GRID1: variants seen among roughly 807,000 people sequenced by gnomAD.
GRID1 encodes glutamate ionotropic receptor delta type subunit 1.
GRID1 carries 28 observed loss-of-function variants against 98.0 expected under a neutral mutation model. The observed-to-expected ratio is 0.29, with a 90% CI of 0.21 to 0.39. The LOEUF is 0.39. Ranked by LOEUF, GRID1 falls within the 10% of genes least tolerant of loss-of-function variation. The pLI, the probability that GRID1 is intolerant of heterozygous loss-of-function variation, is 1.00. For missense variants in GRID1, 1,111 were observed against 1,340.5 expected (o/e 0.83, Z 2.67); for synonymous variants, 553 against 538.5 (o/e 1.03, Z -0.37).
chr10:86,319,515 G>A (rs965078210), intron 2 of GRID1, among the ~76,000 whole-genome samples: 14 of 152,236 alleles, frequency 9.2e-5, no homozygotes, highest in Non-Finnish European at 1.6e-4. Flanking sequence ...GGGATGAAGG[G>A]GTGGGATCCC....
At chr10:86,338,850 G>A (rs1193788361) in intron 2 of GRID1, among the ~76,000 whole-genome samples, 2 of 152,060 alleles carry the variant, frequency 1.3e-5, no homozygotes, top group South Asian at 2.1e-4. Flanking sequence ...GAGCCACCGC[G>A]CCTGGCTCCC....
At chr10:85,989,843 T>C (rs1842658328) in intron 4 of GRID1, among the ~76,000 whole-genome samples, 2 of 152,156 alleles carry the variant, frequency 1.3e-5, no homozygotes, top group Admixed American at 6.5e-5. Context: ...AAATCCTAAC[T>C]CCCAAGACGA....
intron 2 of GRID1, among the ~76,000 whole-genome samples, chr10:86,348,086 T>C (rs1218592449): frequency 2.0e-5 from 3 of 152,168 alleles, no homozygotes; most frequent in African/African-American, 7.2e-5. Context: ...CAACAGCCGG[T>C]GTGCACTGTG....
intron 4 of GRID1, among the ~76,000 whole-genome samples, chr10:86,109,916 C>G (rs1326756611): frequency 6.6e-6 from 1 of 151,808 alleles, no homozygotes; most frequent in Non-Finnish European, 1.5e-5. Flanking sequence ...GAAAAAAATG[C>G]ATGTCAAGGG....
At chr10:85,729,224 A>G (rs3812649) in intron 9 of GRID1, among the ~76,000 whole-genome samples, 9,110 of 152,136 alleles carry the variant, frequency 0.06, 520 homozygotes, top group African/African-American at 0.15. Context: ...CCAAGAACAA[A>G]TGGAGCAGCT....
chr10:85,732,447 G>A, intron 8 of GRID1, among the ~76,000 whole-genome samples: 1 of 152,168 alleles, frequency 6.6e-6, no homozygotes. Context: ...TGTTTGGAAT[G>A]GAGCTCTGTG....
intron 4 of GRID1, among the ~76,000 whole-genome samples, chr10:86,101,294 T>C (rs1844292096): frequency 6.6e-6 from 1 of 152,216 alleles, no homozygotes; most frequent in Non-Finnish European, 1.5e-5. Flanking sequence ...CAAAGTGTAA[T>C]TTACATAGCA....
chr10:85,704,548 T>C lies in GRID1; in HGVS notation c.1997+18455A>G, dbSNP rs141456162. 2.9e-3 allele frequency among the ~76,000 whole-genome samples: 446 copies of C among 152,250 alleles called. 1 individual carries two copies. Among genetic ancestry groups the C allele is most frequent in the African/African-American group, 9.9e-3 (412 of 41,534 alleles). ...TACTTTAACATCCCACTGTCAACAT[T>C]AGACAGATCAACAAGACAGAAAGTT... On this transcript the variant is annotated intron_variant, in intron 12 of 15. Transcript: ENST00000327946.
intron 3 of GRID1, among the ~76,000 whole-genome samples, chr10:86,187,806 G>A (rs1006138720): frequency 2.0e-5 from 3 of 152,192 alleles, no homozygotes; most frequent in African/African-American, 7.2e-5. Flanking sequence ...AATAATTCAA[G>A]GAGAAGTTCC....
At chr10:85,887,316 GC>G (rs1395141919) in intron 5 of GRID1, among the ~76,000 whole-genome samples, 2 of 152,150 alleles carry the variant, frequency 1.3e-5, no homozygotes, top group African/African-American at 4.8e-5. Context: ...GGAAGAAGGG[GC>G]ATCTTCTGAG....
At chr10:85,737,204 A>T (rs1422254413) in intron 8 of GRID1, among the ~76,000 whole-genome samples, 1 of 152,154 alleles carries the variant, frequency 6.6e-6, no homozygotes, top group Admixed American at 6.6e-5. Flanking sequence ...ATACTTTCTT[A>T]AAAACAAGTC....
At chr10:86,261,638 A>G (rs1847016946) in intron 2 of GRID1, among the ~76,000 whole-genome samples, 1 of 152,212 alleles carries the variant, frequency 6.6e-6, no homozygotes, top group Non-Finnish European at 1.5e-5. Context: ...GGTAAGAAGG[A>G]GCAAGGCCAA....
intron 3 of GRID1, among the ~76,000 whole-genome samples, chr10:86,148,825 C>T (rs1372053150): frequency 1.3e-5 from 2 of 152,114 alleles, no homozygotes; most frequent in Admixed American, 1.3e-4. Context: ...GCCCCACTGC[C>T]CTGCTCCCCC....
chr10:86,083,468 C>A (rs1374897938), intron 4 of GRID1, among the ~76,000 whole-genome samples: 4 of 152,234 alleles, frequency 2.6e-5, no homozygotes, highest in Admixed American at 6.5e-5. Context: ...CAGTGAATTT[C>A]GCTCCTCGCT....
At chr10:85,901,010 T>C (rs868623744) in intron 5 of GRID1, among the ~76,000 whole-genome samples, 2 of 152,116 alleles carry the variant, frequency 1.3e-5, no homozygotes, top group African/African-American at 4.8e-5. Flanking sequence ...TCTTAAAGGA[T>C]GCATGAGACT....
At chr10:86,333,624 C>A (rs1004266113) in intron 2 of GRID1, among the ~76,000 whole-genome samples, 1 of 152,208 alleles carries the variant, frequency 6.6e-6, no homozygotes, top group South Asian at 2.1e-4. Context: ...TACTAATAAC[C>A]CACTGTTGAC....
intron 4 of GRID1, among the ~76,000 whole-genome samples, chr10:85,925,074 C>G (rs541115795): frequency 3.3e-5 from 5 of 152,178 alleles, no homozygotes; most frequent in African/African-American, 1.2e-4. Flanking sequence ...CTCACAGGCA[C>G]GATCTGTTTA....
intron 4 of GRID1, among the ~76,000 whole-genome samples, chr10:86,052,767 T>C (rs1843519843): frequency 6.6e-6 from 1 of 152,182 alleles, no homozygotes; most frequent in Admixed American, 6.5e-5. Flanking sequence ...ATAATTGGGA[T>C]TGTGAAGGAA....
At chr10:85,791,626 G>A (rs1260629895) in intron 8 of GRID1, among the ~76,000 whole-genome samples, 1 of 152,158 alleles carries the variant, frequency 6.6e-6, no homozygotes, top group Non-Finnish European at 1.5e-5. Context: ...GTAAGGGAGG[G>A]AGAAGCCAGC....
Sources: allele counts gnomAD v4.1 joint callset (sites outside exome capture counted in the v4.1 genomes callset), GRCh38; gene constraint gnomAD v4.1.1; transcripts MANE v1.5; gene names NCBI Gene and HGNC (gene_info 2026-07-23, HGNC 2026-07-21).